EIPR1: variants seen among roughly 807,000 people sequenced by gnomAD.
The protein encoded by EIPR1 is EARP complex and GARP complex interacting protein 1.
EIPR1 carries 25 observed loss-of-function variants against 48.1 expected under a neutral mutation model. The observed-to-expected ratio is 0.52, with a 90% confidence interval of 0.38 to 0.73. The LOEUF is 0.73. EIPR1 is among the 30% of genes least tolerant of loss of function. EIPR1 has a pLI of 0.00. For missense variants in EIPR1, 415 were observed against 506.2 expected (o/e 0.82, Z 1.73); for synonymous variants, 204 against 201.9 (o/e 1.01, Z -0.09).
chr2:3,211,463 C>A (rs1303728949), intron 5 of EIPR1, among the ~76,000 whole-genome samples: 1 of 152,178 alleles, frequency 6.6e-6, no homozygotes, highest in Non-Finnish European at 1.5e-5. Flanking sequence ...TCTCTTGGTC[C>A]CCAAAACACA....
intron 3 of EIPR1, among the ~76,000 whole-genome samples, chr2:3,331,085 G>C (rs1669883466): frequency 7.2e-6 from 1 of 138,680 alleles, no homozygotes; most frequent in Admixed American, 7.1e-5. Context: ...ACACTCATGA[G>C]ATGGTGTGAG....
chr2:3,297,008 G>A (rs538002129), intron 3 of EIPR1, among the ~76,000 whole-genome samples: 4 of 151,414 alleles, frequency 2.6e-5, no homozygotes, highest in East Asian at 1.9e-4. Context: ...TACTTCTCCC[G>A]GCACCCATCC....
chr2:3,291,407 T>A (rs1024824073), intron 3 of EIPR1, among the ~76,000 whole-genome samples: 1 of 152,210 alleles, frequency 6.6e-6, no homozygotes, highest in Non-Finnish European at 1.5e-5. Flanking sequence ...ATCCATATAT[T>A]AGACTATGCT....
chr2:3,269,801 A>C (rs1667649239), intron 3 of EIPR1, among the ~76,000 whole-genome samples: 1 of 152,232 alleles, frequency 6.6e-6, no homozygotes, highest in Non-Finnish European at 1.5e-5. Flanking sequence ...GCAGGTCCTG[A>C]GGCACAGGCA....
intron 5 of EIPR1, among the ~76,000 whole-genome samples, chr2:3,202,139 A>T (rs2123748): frequency 5.3e-5 from 8 of 151,978 alleles, no homozygotes; most frequent in South Asian, 4.2e-4. Flanking sequence ...GGGTTTCACC[A>T]TGTTAGCCAG....
At chr2:3,315,169 CCACCCCCTACCACCACCA>C in intron 3 of EIPR1, among the ~76,000 whole-genome samples, 1 of 58,366 alleles carries the variant, frequency 1.7e-5, no homozygotes, top group Non-Finnish European at 2.9e-5. Flanking sequence ...ACCATCATCA[CCACCCCCTACCACCACCA>C]TCACCACCAT....
chr2:3,322,234 G>A (rs781111961), intron 3 of EIPR1, among the ~76,000 whole-genome samples: 27 of 152,310 alleles, frequency 1.8e-4, no homozygotes, highest in South Asian at 2.1e-4. Context: ...CTAAAGCAGC[G>A]TTGAAACTGC....
intron 5 of EIPR1, among the ~76,000 whole-genome samples, chr2:3,201,065 A>T (rs992839015): frequency 6.6e-6 from 1 of 152,190 alleles, no homozygotes; most frequent in African/African-American, 2.4e-5. Context: ...TAGGAACCAC[A>T]TTGGGCTTTG....
intron 4 of EIPR1, among the ~76,000 whole-genome samples, chr2:3,219,930 G>T (rs964124426): frequency 6.6e-6 from 1 of 152,188 alleles, no homozygotes. Context: ...GAACTAGGCC[G>T]CACAGCAGGA....
chr2:3,233,545 G>T (rs1030118461), intron 4 of EIPR1, among the ~76,000 whole-genome samples: 4 of 152,186 alleles, frequency 2.6e-5, no homozygotes, highest in African/African-American at 9.7e-5. Flanking sequence ...CCGTAACTGT[G>T]ATAATGACCG....
chr2:3,191,676 C>T (rs1335732733), intron 8 of EIPR1, among the ~76,000 whole-genome samples: 3 of 152,148 alleles, frequency 2.0e-5, no homozygotes, highest in Non-Finnish European at 4.4e-5. Context: ...CATCTAGTCA[C>T]CCCCCAGGAA....
At chr2:3,285,463 G>A (rs993365883) in intron 3 of EIPR1, among the ~76,000 whole-genome samples, 8 of 152,286 alleles carry the variant, frequency 5.3e-5, no homozygotes, top group South Asian at 2.1e-4. Context: ...AACACTGAGC[G>A]TTGGGGACTG....
At chr2:3,229,224 C>T (rs755593462) in intron 4 of EIPR1, among the ~76,000 whole-genome samples, 48 of 152,178 alleles carry the variant, frequency 3.2e-4, no homozygotes, top group Admixed American at 2.0e-4. Flanking sequence ...GTTAGAATAA[C>T]GGAATGGTAA....
chr2:3,194,366 C>T (rs907485286), intron 6 of EIPR1, 200 bp from the exon 7 acceptor site: 19 of 558,040 alleles, frequency 3.4e-5, no homozygotes, highest in South Asian at 9.1e-5. Context: ...GGTCGCACCA[C>T]GCTCATCTCT....
chr2:3,199,457 CACAA>C (rs1271295481), intron 5 of EIPR1, among the ~76,000 whole-genome samples: 1 of 152,194 alleles, frequency 6.6e-6, no homozygotes, highest in African/African-American at 2.4e-5. Context: ...ATGAAATCTT[CACAA>C]TTTATGTTCT....
intron 4 of EIPR1, among the ~76,000 whole-genome samples, chr2:3,220,759 G>A (rs989981421): frequency 6.0e-5 from 9 of 149,612 alleles, no homozygotes; most frequent in East Asian, 4.1e-4. Flanking sequence ...CACAATGGCC[G>A]AGGTACACTC....
intron 1 of EIPR1, among the ~76,000 whole-genome samples, chr2:3,358,677 CT>C (rs1392738945): frequency 6.6e-6 from 1 of 152,220 alleles, no homozygotes; most frequent in African/African-American, 2.4e-5. Flanking sequence ...CACAGAGCCT[CT>C]GACGCTATCC....
intron 1 of EIPR1, among the ~76,000 whole-genome samples, chr2:3,365,599 A>G (rs930029076): frequency 1.7e-4 from 26 of 150,834 alleles, no homozygotes; most frequent in African/African-American, 5.6e-4. Context: ...AAGTGAACAA[A>G]GGTCTCTGGT....
intron 3 of EIPR1, among the ~76,000 whole-genome samples, chr2:3,279,069 A>C (rs971087934): frequency 6.6e-6 from 1 of 152,196 alleles, no homozygotes; most frequent in Non-Finnish European, 1.5e-5. Context: ...GTTCTCACTA[A>C]AACAGGAAAA....
Sources: allele counts gnomAD v4.1 joint callset (sites outside exome capture counted in the v4.1 genomes callset), GRCh38; gene constraint gnomAD v4.1.1; transcripts MANE v1.5; gene names NCBI Gene and HGNC (gene_info 2026-07-23, HGNC 2026-07-21).